Variants in DOCK7 observed in about 807,000 individuals in gnomAD.
The protein encoded by DOCK7 is dedicator of cytokinesis 7.
Under a neutral mutation model 271.0 loss-of-function variants are expected in DOCK7, and 138 were observed. The ratio of observed to expected loss-of-function variants is 0.51; its 90% CI spans 0.44 to 0.59. The LOEUF (loss-of-function observed/expected upper bound fraction) is 0.59. Among genes scored for constraint, DOCK7 ranks in the 20% least tolerant of loss-of-function variants. The pLI, the probability that DOCK7 is intolerant of heterozygous loss-of-function variation, is 0.00. For missense variants in DOCK7, 2,066 were observed against 2,592.4 expected, an observed-to-expected ratio of 0.80 and a Z score of 4.41; for synonymous variants, 823 against 876.1, an observed-to-expected ratio of 0.94 and a Z score of 1.07.
chr1:62,525,390 G>GA (rs1178449218), intron 31 of DOCK7, among the ~76,000 whole-genome samples: 4 of 152,160 alleles, frequency 2.6e-5, no homozygotes, highest in Admixed American at 6.5e-5. Flanking sequence ...CTGTGGTTGA[G>GA]AAAGGGCATG....
At chr1:62,496,878 C>A (rs988406016) in intron 37 of DOCK7, among the ~76,000 whole-genome samples, 44 of 152,128 alleles carry the variant, frequency 2.9e-4, no homozygotes, top group African/African-American at 1.1e-3. Context: ...TAGTCCATTT[C>A]ATGACATCCA....
At chr1:62,680,950 A>C (rs1436778705) in intron 1 of DOCK7, among the ~76,000 whole-genome samples, 3 of 152,158 alleles carry the variant, frequency 2.0e-5, no homozygotes, top group Non-Finnish European at 4.4e-5. Flanking sequence ...CTGTAAACTA[A>C]TTCAACCATT....
chr1:62,503,693 G>C (rs1264861221), intron 37 of DOCK7, among the ~76,000 whole-genome samples: 1 of 151,788 alleles, frequency 6.6e-6, no homozygotes, highest in Non-Finnish European at 1.5e-5. Flanking sequence ...TTCCTTCCTC[G>C]GCCACCCAAA....
chr1:62,503,110 C>T (rs1488202096), intron 37 of DOCK7, among the ~76,000 whole-genome samples: 3 of 151,974 alleles, frequency 2.0e-5, no homozygotes, highest in Admixed American at 6.6e-5. Context: ...TAAGAAGATA[C>T]AGTAGTTATG....
intron 44 of DOCK7, among the ~76,000 whole-genome samples, chr1:62,476,742 T>C (rs947782293): frequency 1.2e-4 from 19 of 152,190 alleles, no homozygotes; most frequent in East Asian, 3.8e-4. Context: ...GATGAAGCTA[T>C]TCAAAAGGAA....
chr1:62,558,989 C>T lies in DOCK7; in HGVS notation c.2431G>A (p.Val811Ile). ...TCATCCCCAAACAAAAGTAAATTAC[C>T]TATTTGGCCAGCAATGACAGGAGGT... ...IRPPVIAGQIVNLGQASFEAM... is the reference protein window; with the variant it reads ...IRPPVIAGQIINLGQASFEAM... Residue 811 changes from valine (V) to isoleucine (I), a missense_variant and splice_region_variant, in exon 20 of 50, where the codon GTT becomes ATT. Val to Ile is a conservative substitution (Grantham distance 29). Coordinates refer to ENST00000635253, the MANE Select transcript of DOCK7 (RefSeq NM_001367561.1). The T allele has an allele frequency of 6.2e-7, 1 of 1,600,922 alleles. No individual in the cohort carries two copies.
chr1:62,578,998 C>T, intron 16 of DOCK7, 32 bp from the exon 17 acceptor site: 1 of 1,488,318 alleles, frequency 6.7e-7, no homozygotes, highest in Non-Finnish European at 8.9e-7. Flanking sequence ...AATCAACAGT[C>T]AGTAATTTGT....
At chr1:62,555,067 C>T (rs897311908) in intron 21 of DOCK7, among the ~76,000 whole-genome samples, 3 of 152,180 alleles carry the variant, frequency 2.0e-5, no homozygotes, top group Non-Finnish European at 4.4e-5. Flanking sequence ...ATACGCACAA[C>T]ATAATCATTA....
intron 31 of DOCK7, among the ~76,000 whole-genome samples, chr1:62,521,724 C>T (rs1405330543): frequency 6.6e-6 from 1 of 152,042 alleles, no homozygotes; most frequent in Non-Finnish European, 1.5e-5. Flanking sequence ...ACCTGTAATC[C>T]CAGCACTTTG....
At chr1:62,531,622 G>C (rs905086652) in intron 29 of DOCK7, among the ~76,000 whole-genome samples, 1 of 152,084 alleles carries the variant, frequency 6.6e-6, no homozygotes, top group Non-Finnish European at 1.5e-5. Context: ...AGTTTCTAAA[G>C]AGCAAATCTT....
intron 1 of DOCK7, among the ~76,000 whole-genome samples, chr1:62,672,542 TAAAC>T (rs1345540004): frequency 2.0e-5 from 3 of 152,244 alleles, no homozygotes; most frequent in African/African-American, 7.2e-5. Context: ...CTGGTATGGA[TAAAC>T]AAACATATTT....
rs769510294 is a variant in DOCK7 at position 62,455,446 on chromosome 1, T to C, written c.6391A>G (p.Ser2131Gly). 1 of 1,613,676 alleles carries C rather than the reference T, an allele frequency of 6.2e-7. No homozygotes were observed. The highest frequency in any genetic ancestry group is 8.5e-7 in the Non-Finnish European group (1 of 1,179,804). ...LPVTCHRDSF[S>G]RMSLRKMDL ...TCCATTTTGCGAAGGCTCATTCGACTGAAGGAATCTCTGGGAAAAAAATGA... is the reference window on the plus strand; with the variant it reads ...TCCATTTTGCGAAGGCTCATTCGACCGAAGGAATCTCTGGGAAAAAAATGA... Residue 2131 changes from serine to glycine, a missense_variant, in exon 50 of 50, where the codon AGT (serine) becomes GGT (glycine). Physicochemically the swap from Ser to Gly is moderately conservative, Grantham distance 56 (BLOSUM62 0). Transcript: ENST00000635253.
intron 25 of DOCK7, among the ~76,000 whole-genome samples, chr1:62,540,826 T>C (rs1346786780): frequency 6.6e-6 from 1 of 151,586 alleles, no homozygotes; most frequent in Non-Finnish European, 1.5e-5. Context: ...CCTGAACATA[T>C]ATGTAAGACT....
chr1:62,512,316 TTGTC>T (rs1318526417), intron 33 of DOCK7, among the ~76,000 whole-genome samples: 1 of 152,196 alleles, frequency 6.6e-6, no homozygotes, highest in Non-Finnish European at 1.5e-5. Context: ...AGCAACAGTA[TTGTC>T]TGTATGTCAC....
chr1:62,543,841 TTTA>T, intron 23 of DOCK7, 96 bp from the exon 24 acceptor site: 1 of 806,286 alleles, frequency 1.2e-6, no homozygotes, highest in East Asian at 2.7e-5. Flanking sequence ...AAAACAGAGT[TTTA>T]TTATGGTTTC....
intron 43 of DOCK7, chr1:62,486,663 A>G (rs766986500): frequency 2.0e-5 from 3 of 152,102 alleles, no homozygotes; most frequent in South Asian, 4.1e-4. Flanking sequence ...ATCAAACAAT[A>G]TATCAAATGC....
intron 7 of DOCK7, among the ~76,000 whole-genome samples, chr1:62,644,603 C>A (rs1180813533): frequency 2.0e-5 from 3 of 152,060 alleles, no homozygotes; most frequent in African/African-American, 7.2e-5. Flanking sequence ...GAAGATATTC[C>A]CCTGAATGTA....
chr1:62,518,584 A>T (rs1444276832), intron 31 of DOCK7, among the ~76,000 whole-genome samples: 1 of 151,316 alleles, frequency 6.6e-6, no homozygotes, highest in East Asian at 1.9e-4. Flanking sequence ...AAAAAAAAAA[A>T]AAAAAATTAG....
chr1:62,646,619 C>A (rs1278683208), intron 7 of DOCK7, among the ~76,000 whole-genome samples: 1 of 152,210 alleles, frequency 6.6e-6, no homozygotes, highest in African/African-American at 2.4e-5. Flanking sequence ...CAGCCATCTG[C>A]AAGCCAGAGA....
Sources: gnomAD v4.1 joint callset for allele counts (sites outside exome capture counted in the v4.1 genomes callset) on GRCh38, gnomAD v4.1.1 for gene constraint, MANE v1.5 for transcripts, NCBI Gene and HGNC (gene_info 2026-07-23, HGNC 2026-07-21) for gene names.